ZNF248: variants seen among roughly 807,000 people sequenced by gnomAD.
ZNF248 encodes the protein zinc finger protein 248.
In ZNF248, 20 loss-of-function variants were observed where a neutral mutation model predicts 44.3. The ratio of observed to expected loss-of-function variants is 0.45; its 90% CI spans 0.32 to 0.66. ZNF248 has a LOEUF of 0.66. Ranked by LOEUF, ZNF248 falls within the 30% of genes least tolerant of loss-of-function variation. ZNF248 has a pLI of 0.04. For missense variants in ZNF248, 654 were observed against 677.0 expected, an observed-to-expected ratio of 0.97 and a Z score of 0.38; for synonymous variants, 224 against 229.0, an observed-to-expected ratio of 0.98 and a Z score of 0.20.
chr10:37,801,223 A>C (rs2133212373), intron 6 of ZNF248, among the ~76,000 whole-genome samples: 1 of 152,040 alleles, frequency 6.6e-6, no homozygotes. Context: ...AAAAATAAAA[A>C]AAATTAGCTG....
intron 6 of ZNF248, among the ~76,000 whole-genome samples, chr10:37,810,909 A>T (rs888250259): frequency 5.9e-5 from 9 of 152,292 alleles, no homozygotes; most frequent in African/African-American, 2.2e-4. Flanking sequence ...TGGTGAGCTG[A>T]AGTATCCGCT....
chr10:37,817,377 A>T (rs201359487), intron 6 of ZNF248, among the ~76,000 whole-genome samples: 10,464 of 62,292 alleles, frequency 0.17, 429 homozygotes, highest in Middle Eastern at 0.22. Flanking sequence ...TTTATTTTTA[A>T]AAAAAAAATA....
chr10:37,790,187 C>G (rs1351090751), intron 6 of ZNF248, among the ~76,000 whole-genome samples: 1 of 149,382 alleles, frequency 6.7e-6, no homozygotes, highest in African/African-American at 2.5e-5. Flanking sequence ...AGGAGAATGG[C>G]GTGAACCCGG....
At chr10:37,779,613 G>A (rs1406069920) in intron 6 of ZNF248, among the ~76,000 whole-genome samples, 1 of 152,016 alleles carries the variant, frequency 6.6e-6, no homozygotes, top group Non-Finnish European at 1.5e-5. Flanking sequence ...ACAAGACAGG[G>A]ATGCCCTCTC....
At chr10:37,785,862 A>G (rs2047823458) in intron 6 of ZNF248, among the ~76,000 whole-genome samples, 1 of 152,216 alleles carries the variant, frequency 6.6e-6, no homozygotes, top group Non-Finnish European at 1.5e-5. Flanking sequence ...ACAGGATTGG[A>G]AGACTGGAGC....
chr10:37,846,509 A>G (rs2059341382), intron 3 of ZNF248, among the ~76,000 whole-genome samples: 1 of 152,050 alleles, frequency 6.6e-6, no homozygotes, highest in Admixed American at 6.6e-5. Context: ...GGACAGGTAT[A>G]GTGGCATGCA....
chr10:37,802,786 T>G (rs545562509), intron 6 of ZNF248: 1 of 152,218 alleles, frequency 6.6e-6, no homozygotes, highest in African/African-American at 2.4e-5. Context: ...AAAAACTTGA[T>G]GTGGCTTAAT....
intron 6 of ZNF248, among the ~76,000 whole-genome samples, chr10:37,817,331 A>G (rs2052655520): frequency 6.6e-6 from 1 of 151,936 alleles, no homozygotes; most frequent in East Asian, 1.9e-4. Context: ...AACCACTTCC[A>G]AAGACCTATA....
chr10:37,845,499 T>C (rs1244084038), intron 3 of ZNF248, among the ~76,000 whole-genome samples: 1 of 150,912 alleles, frequency 6.6e-6, no homozygotes, highest in Non-Finnish European at 1.5e-5. Context: ...AGCAGCCATA[T>C]AAAAACCCAA....
intron 3 of ZNF248, among the ~76,000 whole-genome samples, chr10:37,848,200 G>C (rs566331700): frequency 1.3e-5 from 2 of 152,062 alleles, no homozygotes; most frequent in South Asian, 4.1e-4. Context: ...TTGAACCCAG[G>C]AGGAGGAAGT....
chr10:37,787,638 C>G (rs2048039936), intron 6 of ZNF248, among the ~76,000 whole-genome samples: 1 of 115,818 alleles, frequency 8.6e-6, no homozygotes, highest in Admixed American at 9.1e-5. Flanking sequence ...AATTGTATAT[C>G]CCCATGCCAA....
intron 6 of ZNF248, among the ~76,000 whole-genome samples, chr10:37,807,128 T>C (rs1029987028): frequency 1.3e-5 from 2 of 151,976 alleles, no homozygotes; most frequent in African/African-American, 2.4e-5. Flanking sequence ...GGATTACAGG[T>C]ATGTGCCGCC....
chr10:37,767,372 G>C, the ZNF248 span, among the ~76,000 whole-genome samples: 1 of 152,214 alleles, frequency 6.6e-6, no homozygotes, highest in Admixed American at 6.5e-5. Context: ...GGCAGCCAGA[G>C]AGAAAGGTCG....
chr10:37,766,598 G>A, the ZNF248 span, among the ~76,000 whole-genome samples: 1 of 152,070 alleles, frequency 6.6e-6, no homozygotes, highest in Non-Finnish European at 1.5e-5. Flanking sequence ...CAAACAGAAA[G>A]GACATCCACA....
chr10:37,771,099 G>C, the ZNF248 span, among the ~76,000 whole-genome samples: 1 of 152,096 alleles, frequency 6.6e-6, no homozygotes, highest in Non-Finnish European at 1.5e-5. Context: ...TTAGAATGGC[G>C]ATCATTAAAA....
rs771626628 is a variant in ZNF248, at chr10:37,837,969, G to GA, written c.142+15dup. Reference sequence around the variant, plus strand: ...TGCATGCTATTGATAGCCATGTGCGGAAAAAAACTCCTTACCTACTGAGAC... The same window carrying GA: ...TGCATGCTATTGATAGCCATGTGCGGAAAAAAAACTCCTTACCTACTGAGAC... On this transcript the variant is annotated intron_variant, in intron 4 of 5. Coordinates refer to ENST00000395867, the MANE Select transcript of ZNF248 (RefSeq NM_021045.3). 3.7e-6 allele frequency: 6 copies of GA among 1,610,438 alleles called. No individual in the cohort carries two copies. The highest frequency in any genetic ancestry group is 1.6e-4 in the Middle Eastern group (1 of 6,062).
the ZNF248 span, among the ~76,000 whole-genome samples, chr10:37,765,214 C>T: frequency 6.6e-6 from 1 of 152,096 alleles, no homozygotes; most frequent in Non-Finnish European, 1.5e-5. Flanking sequence ...ACCTCGGCCT[C>T]CCAAAGTGCT....
chr10:37,765,627 T>C, the ZNF248 span, among the ~76,000 whole-genome samples: 4 of 152,190 alleles, frequency 2.6e-5, no homozygotes, highest in African/African-American at 9.7e-5. Context: ...ACATTAATAA[T>C]CGATGCACAC....
At chr10:37,813,025 G>GGAGAAAAAGAAAAAAAAAAAAA (rs2051797976) in intron 6 of ZNF248, among the ~76,000 whole-genome samples, 1 of 108,636 alleles carries the variant, frequency 9.2e-6, no homozygotes. Flanking sequence ...ATGGCAAAAA[G>GGAGAAAAAGAAAAAAAAAAAAA]AAAAAAAAAA....
Sources: gnomAD v4.1 joint callset for allele counts (sites outside exome capture counted in the v4.1 genomes callset) on GRCh38, gnomAD v4.1.1 for gene constraint, MANE v1.5 for transcripts, NCBI Gene and HGNC (gene_info 2026-07-23, HGNC 2026-07-21) for gene names.